IMPA1: variants seen among roughly 807,000 people sequenced by gnomAD.
IMPA1 encodes the protein inositol monophosphatase 1.
A neutral mutation model predicts 34.9 loss-of-function variants in IMPA1; 21 were observed. The ratio of observed to expected loss-of-function variants is 0.60; its 90% CI spans 0.43 to 0.87. The LOEUF (loss-of-function observed/expected upper bound fraction) is 0.87, where lower values mean the gene tolerates loss of function less well. Among genes scored for constraint, IMPA1 ranks in the 40% least tolerant of loss-of-function variants. The pLI is 0.00. For synonymous variants in IMPA1, 95 were observed against 104.4 expected (o/e 0.91, Z 0.55); for missense variants, 299 against 336.4 (o/e 0.89, Z 0.87).
intron 7 of IMPA1, among the ~76,000 whole-genome samples, chr8:81,667,925 G>T (rs148179741): frequency 1.3e-5 from 2 of 151,118 alleles, no homozygotes; most frequent in Non-Finnish European, 2.9e-5. Flanking sequence ...CCAGTTTCAC[G>T]CCATTCTCCT....
chr8:81,684,454 ATAG>A, intron 1 of IMPA1, among the ~76,000 whole-genome samples: 1 of 139,782 alleles, frequency 7.2e-6, no homozygotes, highest in East Asian at 2.1e-4. Context: ...GATACTATAT[ATAG>A]TATACTACAC....
chr8:81,660,683 T>C lies in IMPA1; in HGVS notation c.567-16A>G. The C allele has an allele frequency of 6.3e-7, 1 of 1,583,560 alleles. No homozygotes were observed. Among genetic ancestry groups the C allele is most frequent in the South Asian group, 1.2e-5 (1 of 86,916 alleles). On this transcript the variant is annotated splice_polypyrimidine_tract_variant and intron_variant, in intron 7 of 8. Coordinates refer to ENST00000256108, the MANE Select transcript of IMPA1 (RefSeq NM_005536.4). The stretch of plus-strand genomic sequence containing the variant: ...ACTCCGGATCCTAACAAATAGAATT[T>C]AGAAATAAAATTGGAAAAAATAATC...
In IMPA1 at chr8:81,658,280, T is replaced by C. The variant is rs1324617076; in HGVS notation, c.*1071A>G. The C allele has an allele frequency of 6.6e-6, 1 of 152,210 alleles. No homozygotes were observed. The highest frequency in any genetic ancestry group is 2.4e-5 in the African/African-American group (1 of 41,454). 9.4% of individuals were successfully genotyped at this position (152,210 alleles called of 1,614,324 possible). On this transcript the variant is annotated 3_prime_UTR_variant, in exon 9 of 9. Coordinates refer to ENST00000256108, the MANE Select transcript of IMPA1 (RefSeq NM_005536.4). ...CCCTTTAAAAATGTCTATGAACAAG[T>C]ACAATTTTCTTTTTGAGTTCTGCAG...
chr8:81,667,219 ACT>A (rs1355008161), intron 7 of IMPA1, among the ~76,000 whole-genome samples: 1 of 152,190 alleles, frequency 6.6e-6, no homozygotes, highest in Non-Finnish European at 1.5e-5. Flanking sequence ...TGCATATGAA[ACT>A]TACAAAAATT....
Position 81,685,829 on chromosome 8 carries a change from C to CA in IMPA1, c.-25+422_-25+423insT, listed in dbSNP as rs866809761. ...CTGTTTCTGTCCTGGTCACAGCCTTCCAGCGTAGGAGCCAGGCCACCTTCC... is the reference window on the plus strand; with the variant it reads ...CTGTTTCTGTCCTGGTCACAGCCTTCACAGCGTAGGAGCCAGGCCACCTTCC... On this transcript the variant is annotated intron_variant, in intron 1 of 8. Coordinates refer to ENST00000256108, the MANE Select transcript of IMPA1 (RefSeq NM_005536.4). 16 of 1,551,094 alleles carry CA rather than the reference C, an allele frequency of 1.0e-5. No homozygotes were observed. The African/African-American group carries it at 1.6e-4, about 16-fold the overall frequency.
At chr8:81,664,693 C>A (rs756116687) in intron 7 of IMPA1, among the ~76,000 whole-genome samples, 3 of 150,680 alleles carry the variant, frequency 2.0e-5, no homozygotes, top group African/African-American at 7.3e-5. Context: ...TCCTTGGAAA[C>A]AAGTGAAGGA....
chr8:81,671,126 T>C (rs908770005), intron 6 of IMPA1, 79 bp from the exon 7 acceptor site: 8 of 576,430 alleles, frequency 1.4e-5, no homozygotes, highest in Admixed American at 3.9e-5. Flanking sequence ...AGGGCATTTG[T>C]ATCCCTCTTC....
chr8:81,676,192 AGAGC>A, intron 5 of IMPA1, 38 bp downstream of exon 5: 1 of 868,644 alleles, frequency 1.2e-6, no homozygotes. Context: ...TCAGAAAATG[AGAGC>A]AAGGCATATA....
chr8:81,671,171 T>C (rs981219307), intron 6 of IMPA1, 124 bp from the exon 7 acceptor site: 1 of 496,358 alleles, frequency 2.0e-6, no homozygotes, highest in African/African-American at 2.0e-5. Context: ...AGCATTTAAA[T>C]AATAAAATAC....
chr8:81,659,815 C>T (rs1336578199), intron 8 of IMPA1, among the ~76,000 whole-genome samples: 1 of 152,100 alleles, frequency 6.6e-6, no homozygotes, highest in Non-Finnish European at 1.5e-5. Flanking sequence ...TTCTTTGTTG[C>T]CTTTCTCCCA....
chr8:81,679,324 A>G, intron 3 of IMPA1, 94 bp from the exon 4 acceptor site: 1 of 867,282 alleles, frequency 1.2e-6, no homozygotes, highest in Non-Finnish European at 1.9e-6. Flanking sequence ...GTACTATAAA[A>G]CATAGCAGGC....
At chr8:81,675,808 A>C (rs1807115876) in intron 5 of IMPA1, among the ~76,000 whole-genome samples, 1 of 152,156 alleles carries the variant, frequency 6.6e-6, no homozygotes, top group Admixed American at 6.6e-5. Flanking sequence ...TCCTAAAGAG[A>C]GTCTGTATTT....
chr8:81,660,773 CTAGAGGA>C, intron 7 of IMPA1, 106 bp from the exon 8 acceptor site: 3 of 755,810 alleles, frequency 4.0e-6, no homozygotes, highest in Admixed American at 6.2e-5. Context: ...TTGGAACGAT[CTAGAGGA>C]TAAAGATTTT....
chr8:81,685,955 T>C (rs1807510674), intron 1 of IMPA1: 1 of 1,508,818 alleles, frequency 6.6e-7, no homozygotes, highest in Admixed American at 2.2e-5. Context: ...TGCACCAAGT[T>C]TCTAGGAGCT....
intron 1 of IMPA1, 30 bp from the exon 2 acceptor site, chr8:81,681,614 A>G (rs765674551): frequency 5.9e-5 from 74 of 1,252,624 alleles, no homozygotes; most frequent in Non-Finnish European, 7.6e-5. Context: ...CTGTCTTAGA[A>G]GTCTTAATTA....
chr8:81,657,898 C>T lies in IMPA1; in HGVS notation c.*1453G>A, dbSNP rs1228652324. 2 of 151,352 alleles carry T rather than the reference C, an allele frequency of 1.3e-5. No individual in the cohort carries two copies. The highest frequency in any genetic ancestry group is 2.4e-5 in the African/African-American group (1 of 41,150). 9.4% of individuals were successfully genotyped at this position (151,352 alleles called of 1,614,324 possible). A position where few individuals can be genotyped will look rare whatever the true frequency, so the allele number is the denominator to read the frequency against. On this transcript the variant is annotated 3_prime_UTR_variant, in exon 9 of 9. Coordinates refer to ENST00000256108, the MANE Select transcript of IMPA1 (RefSeq NM_005536.4). ...CAGAGACAGACCCTGGGCAACAGAG[C>T]GAGACCCTGAATCTAAAAATAATAA...
chr8:81,674,940 G>T (rs1439998025), intron 5 of IMPA1: 1 of 413,626 alleles, frequency 2.4e-6, no homozygotes, highest in African/African-American at 2.1e-5. Flanking sequence ...TCCAATTTTG[G>T]CATTTCCTTG....
At chr8:81,672,182 T>C (rs1258946522) in intron 6 of IMPA1, among the ~76,000 whole-genome samples, 1 of 152,220 alleles carries the variant, frequency 6.6e-6, no homozygotes, top group Non-Finnish European at 1.5e-5. Context: ...GTTTTGCAAG[T>C]ACCTCTAAGT....
chr8:81,672,012 G>T (rs1214351695), intron 6 of IMPA1, among the ~76,000 whole-genome samples: 2 of 152,160 alleles, frequency 1.3e-5, no homozygotes, highest in Admixed American at 6.5e-5. Context: ...TCCAAGATTT[G>T]TATTTTCTCA....
Sources: gnomAD v4.1 joint callset for allele counts (sites outside exome capture counted in the v4.1 genomes callset) on GRCh38, gnomAD v4.1.1 for gene constraint, MANE v1.5 for transcripts, NCBI Gene and HGNC (gene_info 2026-07-23, HGNC 2026-07-21) for gene names.